The following CATSPERB variants were observed in gnomAD, a reference collection of about 807,000 sequenced individuals.
The protein encoded by CATSPERB is cation channel sperm-associated auxiliary subunit beta.
Under a neutral mutation model 128.3 loss-of-function variants are expected in CATSPERB, and 93 were observed. That is an observed-to-expected ratio of 0.72 (90% CI 0.61 to 0.86). The LOEUF (loss-of-function observed/expected upper bound fraction) is 0.86. CATSPERB is among the 40% of genes least tolerant of loss of function. The pLI, the probability that CATSPERB is intolerant of heterozygous loss-of-function variation, is 0.00. For synonymous variants in CATSPERB, 381 were observed against 448.8 expected, an observed-to-expected ratio of 0.85 and a Z score of 1.91; for missense variants, 1,153 against 1,329.5, an observed-to-expected ratio of 0.87 and a Z score of 2.06.
chr14:91,674,304 A>T, intron 11 of CATSPERB, 82 bp from the exon 12 acceptor site: 1 of 778,150 alleles, frequency 1.3e-6, no homozygotes, highest in Non-Finnish European at 2.1e-6. Context: ...AATAGTCTTC[A>T]TGAAAATCAT....
intron 4 of CATSPERB, among the ~76,000 whole-genome samples, chr14:91,721,848 T>TAA (rs774942210): frequency 6.2e-5 from 7 of 112,286 alleles, no homozygotes; most frequent in Admixed American, 1.9e-4. Flanking sequence ...AGACTCTGTC[T>TAA]AAAAAAAAAA....
In CATSPERB at chr14:91,658,421, C is replaced by T. The variant is rs1039694427; in HGVS notation, c.1432+1416G>A. Among the ~76,000 whole-genome samples the T allele has an allele frequency of 3.3e-5, 5 of 149,760 alleles. No individual in the cohort carries two copies. The East Asian group carries it at 7.9e-4, about 24-fold the overall frequency. On this transcript the variant is annotated intron_variant, in intron 15 of 26. Transcript: ENST00000256343. ...GGGGCATTATGTAGGGGGAGAATGG[C>T]GATGGTTAATGGGTACAAAAATATC...
rs1316645514 is a variant in CATSPERB at position 91,626,061 on chromosome 14, G to T, written c.1743-1054C>A. ...GATCACTTGAGCCTGTGAGGTGGAG[G>T]TTGCAGTGAGCTGAGATAGTGCCAC... On this transcript the variant is annotated intron_variant, in intron 17 of 26. Coordinates refer to ENST00000256343, the MANE Select transcript of CATSPERB (RefSeq NM_024764.4). 2.0e-5 allele frequency among the ~76,000 whole-genome samples: 3 copies of T among 152,274 alleles called. No individual in the cohort carries two copies. The East Asian group carries it at 5.8e-4, about 29-fold the overall frequency.
chr14:91,673,789 A>G (rs1895142105), intron 12 of CATSPERB, among the ~76,000 whole-genome samples: 1 of 151,990 alleles, frequency 6.6e-6, no homozygotes, highest in African/African-American at 2.4e-5. Flanking sequence ...ATGCTGAGGC[A>G]GGAGAATTGC....
At chr14:91,583,840 T>C (rs991397752) in intron 26 of CATSPERB, among the ~76,000 whole-genome samples, 2 of 152,140 alleles carry the variant, frequency 1.3e-5, no homozygotes, top group African/African-American at 4.8e-5. Flanking sequence ...AATCCAAGCT[T>C]ATGGGTTGTG....
At chr14:91,702,870 C>T (rs116251804) in intron 7 of CATSPERB, among the ~76,000 whole-genome samples, 1,823 of 151,392 alleles carry the variant, frequency 0.012, 41 homozygotes, top group African/African-American at 0.042. Flanking sequence ...TTTTTTATGA[C>T]CTTCATTAGT....
chr14:91,591,213 C>T (rs768926736), intron 23 of CATSPERB, among the ~76,000 whole-genome samples: 10 of 152,080 alleles, frequency 6.6e-5, no homozygotes, highest in Non-Finnish European at 1.2e-4. Flanking sequence ...AGCCACCATG[C>T]CCGGCTGATT....
intron 7 of CATSPERB, among the ~76,000 whole-genome samples, chr14:91,701,900 G>T (rs1196727648): frequency 1.0e-5 from 1 of 96,654 alleles, no homozygotes; most frequent in African/African-American, 4.0e-5. Flanking sequence ...AACAGAGAGA[G>T]ACCCTGTCTC....
chr14:91,716,098 C>A (rs1020745703), intron 5 of CATSPERB, among the ~76,000 whole-genome samples: 1 of 152,164 alleles, frequency 6.6e-6, no homozygotes, highest in Non-Finnish European at 1.5e-5. Flanking sequence ...ATTGAAAACT[C>A]TGATCTTCAA....
chr14:91,644,485 GA>G (rs925495550), intron 15 of CATSPERB, among the ~76,000 whole-genome samples: 16 of 142,538 alleles, frequency 1.1e-4, no homozygotes, highest in Admixed American at 3.5e-4. Context: ...AGTTTGGCTG[GA>G]TATGAAATTC....
At chr14:91,628,609 C>T (rs1894213083) in intron 17 of CATSPERB, among the ~76,000 whole-genome samples, 1 of 152,154 alleles carries the variant, frequency 6.6e-6, no homozygotes. Flanking sequence ...TTAAAAATGG[C>T]AGTTTCCCCT....
At position 91,684,057 on chromosome 14, in the gene CATSPERB, A is replaced by G. The variant is rs145471893; in HGVS notation, c.865-114T>C. ...GTTTGATAGTTCAGGAATGTGAGGC[A>G]AAGAGACAAAAATTGTATGCAAATA... On this transcript the variant is annotated intron_variant, in intron 10 of 26. Transcript: ENST00000256343. 1.1e-4 allele frequency: 66 copies of G among 615,488 alleles called. No homozygotes were observed. In the East Asian group the frequency reaches 1.9e-3, roughly 17 times the overall value. The allele number at this position is 615,488 out of a possible 1,614,324, so 38.1% of individuals were successfully genotyped here.
chr14:91,608,260 T>C (rs1380779266), intron 22 of CATSPERB, 34 bp downstream of exon 22: 1 of 1,272,616 alleles, frequency 7.9e-7, no homozygotes, highest in Non-Finnish European at 1.1e-6. Flanking sequence ...TGAATTCAAA[T>C]AAGTGCTAGA....
At chr14:91,674,250 A>G (rs752571356) in intron 11 of CATSPERB, 28 bp from the exon 12 acceptor site, 3 of 1,384,494 alleles carry the variant, frequency 2.2e-6, no homozygotes, top group Non-Finnish European at 3.0e-6. Flanking sequence ...GGGTACAGGA[A>G]TTATGAGCAT....
intron 5 of CATSPERB, among the ~76,000 whole-genome samples, chr14:91,713,254 T>C (rs1030237860): frequency 6.7e-6 from 1 of 149,900 alleles, no homozygotes; most frequent in Non-Finnish European, 1.5e-5. Context: ...TGCTGACCCC[T>C]GATCTAAAGA....
In CATSPERB at chr14:91,588,027, AT is replaced by A. The variant is rs778682545; in HGVS notation, c.3007del (p.Ile1003PhefsTer14). ...IKRMKQLVEPILGAAVYNPSG... is the reference protein window; with the variant it reads ...IKRMKQLVEPXLGAAVYNPSG... ...AGGATTATACACTGCAGCACCAAGAATTGGTTCTACTAATTGTTTCATTCTT... is the reference window on the plus strand; with the variant it reads ...AGGATTATACACTGCAGCACCAAGAATGGTTCTACTAATTGTTTCATTCTT... On this transcript the variant is annotated frameshift_variant, in exon 25 of 27. Transcript: ENST00000256343. LOFTEE classifies it high-confidence loss of function. 3.8e-5 allele frequency: 61 copies of A among 1,612,534 alleles called. No homozygotes were observed. Among genetic ancestry groups the A allele is most frequent in the Non-Finnish European group, 5.1e-5 (60 of 1,178,934 alleles).
chr14:91,678,490 T>C (rs1895228435), intron 11 of CATSPERB, among the ~76,000 whole-genome samples: 1 of 152,234 alleles, frequency 6.6e-6, no homozygotes, highest in Non-Finnish European at 1.5e-5. Context: ...GATATATTTA[T>C]GTGATGTTGA....
At chr14:91,668,578 GGAAGCTTTGT>G (rs1895030287) in intron 14 of CATSPERB, among the ~76,000 whole-genome samples, 1 of 152,158 alleles carries the variant, frequency 6.6e-6, no homozygotes, top group South Asian at 2.1e-4. Flanking sequence ...TCCATGCTGT[GGAAGCTTTGT>G]TCTTTCGCTC....
chr14:91,581,121 A>T lies in CATSPERB; in HGVS notation c.3133-14T>A. 3 of 1,605,166 alleles carry T rather than the reference A, an allele frequency of 1.9e-6. No individual in the cohort carries two copies. The highest frequency in any genetic ancestry group is 2.6e-6 in the Non-Finnish European group (3 of 1,173,652). On this transcript the variant is annotated splice_polypyrimidine_tract_variant and intron_variant, in intron 26 of 26. Transcript: ENST00000256343. ...ATCAACATAAATCTGCAACAGAAAA[A>T]GCAAAGTCTTTAAGCTTTCTGAATT... is the stretch of plus-strand genomic sequence containing the variant.
Sources: gnomAD v4.1 joint callset for allele counts (sites outside exome capture counted in the v4.1 genomes callset) on GRCh38, gnomAD v4.1.1 for gene constraint, MANE v1.5 for transcripts, NCBI Gene and HGNC (gene_info 2026-07-23, HGNC 2026-07-21) for gene names.